SCAMP4: variants seen among roughly 807,000 people sequenced by gnomAD.
SCAMP4 encodes the protein secretory carrier-associated membrane protein 4.
A neutral mutation model predicts 32.1 loss-of-function variants in SCAMP4; 19 were observed. That is an observed-to-expected ratio of 0.59 (90% CI 0.41 to 0.87). The LOEUF (loss-of-function observed/expected upper bound fraction) is 0.87. SCAMP4 is among the 40% of genes least tolerant of loss of function. SCAMP4 has a pLI of 0.00. For synonymous variants in SCAMP4, 152 were observed against 132.7 expected, an observed-to-expected ratio of 1.15 and a Z score of -1.00; for missense variants, 302 against 309.0, an observed-to-expected ratio of 0.98 and a Z score of 0.17.
rs765222246 is a variant in SCAMP4, at chr19:1,923,152, G to A, written c.478G>A (p.Val160Met). ...GCTGCTTCCAGCCATCATGTTCTCC[G>A]TGTCGGCTGCCATGATGGCCATCGC... ...VMLLPAIMFS[V>M]SAAMMAIAIM... Residue 160 changes from valine to methionine, a missense_variant, in exon 6 of 7, where the codon GTG (valine) becomes ATG (methionine). Physicochemically the swap from Val to Met is conservative, Grantham distance 21. Transcript: ENST00000316097. The A allele has an allele frequency of 1.1e-4, 163 of 1,551,404 alleles. No homozygotes were observed. The highest frequency in any genetic ancestry group is 8.3e-4 in the Middle Eastern group (5 of 6,008).
At chr19:1,920,772 G>C (rs977135314) in intron 5 of SCAMP4, 1 of 985,498 alleles carries the variant, frequency 1.0e-6, no homozygotes, top group Non-Finnish European at 1.2e-6. Flanking sequence ...CGCCTCCCCG[G>C]TGCGTCCCCA....
intron 1 of SCAMP4, chr19:1,906,559 A>T (rs1014708905): frequency 6.6e-6 from 1 of 151,658 alleles, no homozygotes; most frequent in Non-Finnish European, 1.5e-5. Flanking sequence ...AATAAAATAC[A>T]TACGTGTAGC....
chr19:1,908,612 C>T lies in SCAMP4; in HGVS notation c.-42+3173C>T, dbSNP rs1440595257. The T allele has an allele frequency of 2.1e-6, 1 of 470,264 alleles. No homozygotes were observed. Among genetic ancestry groups the T allele is most frequent in the Admixed American group, 2.4e-5 (1 of 42,384 alleles). The allele number at this position is 470,264 out of a possible 1,614,324, so 29.1% of individuals were successfully genotyped here. A position where few individuals can be genotyped will look rare whatever the true frequency, so the allele number is the denominator to read the frequency against. ...GCACCATCTGAGGCAGTACTGTCTGCTAGAAATAACTGTGAGCACACAGGT... is the reference window on the plus strand; with the variant it reads ...GCACCATCTGAGGCAGTACTGTCTGTTAGAAATAACTGTGAGCACACAGGT... On this transcript the variant is annotated intron_variant, in intron 1 of 6. Transcript: ENST00000316097. The surrounding 1 kb of genome is among the most constrained non-coding windows in gnomAD (Gnocchi z 4.2).
intron 2 of SCAMP4, among the ~76,000 whole-genome samples, 180 bp downstream of exon 2, chr19:1,915,206 G>T (rs571350794): frequency 6.6e-6 from 1 of 152,204 alleles, no homozygotes; most frequent in Non-Finnish European, 1.5e-5. Context: ...TGGGGGCAAA[G>T]GACAGCAGAG....
chr19:1,923,009 G>C (rs1215405003), intron 5 of SCAMP4, 61 bp from the exon 6 acceptor site: 1 of 1,467,830 alleles, frequency 6.8e-7, no homozygotes, highest in African/African-American at 1.4e-5. Flanking sequence ...ACCATGGGCC[G>C]GACCATGGGC....
chr19:1,921,723 A>G (rs1318838954), intron 5 of SCAMP4: 7 of 985,078 alleles, frequency 7.1e-6, no homozygotes, highest in Non-Finnish European at 8.4e-6. Context: ...GACGCCTGTA[A>G]TCCCAGCGCT....
intron 3 of SCAMP4, 47 bp from the exon 4 acceptor site, chr19:1,918,079 GC>G: frequency 4.4e-6 from 7 of 1,574,646 alleles, no homozygotes; most frequent in Non-Finnish European, 5.2e-6. Flanking sequence ...CTTTCCCACG[GC>G]CACACCCTCC....
At chr19:1,907,755 G>T (rs1206154529) in intron 1 of SCAMP4, among the ~76,000 whole-genome samples, 1 of 152,182 alleles carries the variant, frequency 6.6e-6, no homozygotes, top group Non-Finnish European at 1.5e-5. Flanking sequence ...AGGGGTCCCA[G>T]TGGTCGGTCG....
chr19:1,914,902 C>T (rs2013677095), intron 1 of SCAMP4, 77 bp from the exon 2 acceptor site: 3 of 1,258,486 alleles, frequency 2.4e-6, no homozygotes, highest in Admixed American at 1.7e-5. Context: ...AAGGGCTTTT[C>T]AGCCACGGTG....
At chr19:1,923,615 CTTTTTTTTT>C (rs35226425) in intron 6 of SCAMP4, among the ~76,000 whole-genome samples, 1 of 86,466 alleles carries the variant, frequency 1.2e-5, no homozygotes, top group East Asian at 4.1e-4. Context: ...CAGCAAAATG[CTTTTTTTTT>C]TTTTTTTTTT....
chr19:1,911,346 A>G (rs1426796115), intron 1 of SCAMP4, among the ~76,000 whole-genome samples: 1 of 151,126 alleles, frequency 6.6e-6, no homozygotes, highest in Non-Finnish European at 1.5e-5. Context: ...TAATTTTTTG[A>G]TATTTAGTAG....
chr19:1,912,751 A>T, intron 1 of SCAMP4: 1 of 1,549,648 alleles, frequency 6.5e-7, no homozygotes, highest in Middle Eastern at 1.7e-4. Context: ...TGCGCGGACA[A>T]CCCCCTCCTG....
Position 1,910,930 on chromosome 19 carries a change from G to C in SCAMP4, c.-41-4049G>C, listed in dbSNP as rs186978199. Among the ~76,000 whole-genome samples the C allele has an allele frequency of 4.3e-3, 646 of 151,644 alleles. 2 individuals are homozygous for C. Among genetic ancestry groups the C allele is most frequent in the Non-Finnish European group, 7.1e-3 (483 of 67,930 alleles). On this transcript the variant is annotated intron_variant, in intron 1 of 6. Coordinates refer to ENST00000316097, the MANE Select transcript of SCAMP4 (RefSeq NM_079834.4). ...TTACCAGGCTGGAGTGCAGTGGCGC[G>C]ATCTCGGCTCAATGTAACCTGCGCC...
At chr19:1,912,837 G>C in intron 1 of SCAMP4, 1 of 1,592,824 alleles carries the variant, frequency 6.3e-7, no homozygotes, top group Non-Finnish European at 8.5e-7. Flanking sequence ...ACCCTTCCCC[G>C]CCTGCTCCTT....
At chr19:1,909,325 G>A (rs901822618) in intron 1 of SCAMP4, among the ~76,000 whole-genome samples, 9 of 152,148 alleles carry the variant, frequency 5.9e-5, no homozygotes, top group Non-Finnish European at 1.2e-4. Context: ...CTGTCCCCAC[G>A]CCTGCCTCTC....
rs551272801 is a variant in SCAMP4 at position 1,918,577 on chromosome 19, C to T, written c.293+294C>T. 3.2e-5 allele frequency: 16 copies of T among 499,156 alleles called. No individual in the cohort carries two copies. The East Asian group carries it at 5.9e-4, about 18-fold the overall frequency. 30.9% of individuals were successfully genotyped at this position (499,156 alleles called of 1,614,324 possible). A position where few individuals can be genotyped will look rare whatever the true frequency, so the allele number is the denominator to read the frequency against. On this transcript the variant is annotated intron_variant, in intron 4 of 6. Coordinates refer to ENST00000316097, the MANE Select transcript of SCAMP4 (RefSeq NM_079834.4). ...AGGAGTTCAAGACCAGCCTGGCCAA[C>T]ATGGTGAAACGCTGTCTCTACTATA...
At chr19:1,911,164 C>T (rs1267798398) in intron 1 of SCAMP4, among the ~76,000 whole-genome samples, 4 of 149,608 alleles carry the variant, frequency 2.7e-5, no homozygotes, top group Non-Finnish European at 5.9e-5. Context: ...CGTGAGCCAC[C>T]GTGCCCGGGT....
At chr19:1,912,845 C>A (rs765111016) in intron 1 of SCAMP4, 15 of 1,595,564 alleles carry the variant, frequency 9.4e-6, no homozygotes, top group African/African-American at 2.7e-5. Flanking sequence ...CCGCCTGCTC[C>A]TTCGCCCCGG....
rs765300164 is a variant in SCAMP4 at position 1,917,250 on chromosome 19, G to A, written c.8-444G>A. On this transcript the variant is annotated intron_variant, in intron 2 of 6. Transcript: ENST00000316097. ...GAGCTTGGGAGGCAGAGGCTGCAGT[G>A]AGCCGAGATCGCACCACTGCCCTCT... Among the ~76,000 whole-genome samples, 84 of 152,328 alleles carry A rather than the reference G, an allele frequency of 5.5e-4. 1 individual carries two copies. Among genetic ancestry groups the A allele is most frequent in the Non-Finnish European group, 7.1e-4 (48 of 68,020 alleles).
Sources: allele counts gnomAD v4.1 joint callset (sites outside exome capture counted in the v4.1 genomes callset), GRCh38; gene constraint gnomAD v4.1.1; non-coding constraint Gnocchi (gnomAD v3.1); transcripts MANE v1.5; gene names NCBI Gene and HGNC (gene_info 2026-07-23, HGNC 2026-07-21).